Variants in SRD5A2 observed in about 807,000 individuals in gnomAD.
SRD5A2 encodes steroid 5 alpha-reductase 2.
SRD5A2 carries 30 observed loss-of-function variants against 27.4 expected under a neutral mutation model. The observed-to-expected ratio is 1.10, with a 90% confidence interval of 0.82 to 1.49. The LOEUF is 1.49. SRD5A2 is among the 40% of genes most tolerant of loss of function. The pLI is 0.00. For synonymous variants in SRD5A2, 141 were observed against 133.6 expected (o/e 1.06, Z -0.38); for missense variants, 348 against 323.4 (o/e 1.08, Z -0.58).
At chr2:31,552,857 C>A (rs758960492) in intron 1 of SRD5A2, among the ~76,000 whole-genome samples, 3 of 152,006 alleles carry the variant, frequency 2.0e-5, no homozygotes, top group Non-Finnish European at 4.4e-5. Flanking sequence ...GGCAAAGCTA[C>A]AAGAAACATA....
chr2:31,656,480 A>C, the SRD5A2 span, among the ~76,000 whole-genome samples: 4 of 152,194 alleles, frequency 2.6e-5, no homozygotes, highest in Non-Finnish European at 1.5e-5. Flanking sequence ...TGAAATTAAG[A>C]AGTGGGACCT....
At chr2:31,638,711 G>A in the SRD5A2 span, among the ~76,000 whole-genome samples, 1 of 150,864 alleles carries the variant, frequency 6.6e-6, no homozygotes, top group East Asian at 1.9e-4. Flanking sequence ...CTGATTTGTA[G>A]TCTATTTCAT....
At chr2:31,631,749 C>T in the SRD5A2 span, among the ~76,000 whole-genome samples, 42 of 152,224 alleles carry the variant, frequency 2.8e-4, 1 homozygote, top group Non-Finnish European at 4.3e-4. Flanking sequence ...GAGAGTTTGG[C>T]GATCTCTGTT....
chr2:31,550,166 G>A (rs953459664), intron 1 of SRD5A2, among the ~76,000 whole-genome samples: 2 of 151,570 alleles, frequency 1.3e-5, no homozygotes. Flanking sequence ...CAAGTCTCAA[G>A]GTAAATTAAA....
the SRD5A2 span, among the ~76,000 whole-genome samples, chr2:31,647,461 C>T: frequency 6.6e-6 from 1 of 152,166 alleles, no homozygotes; most frequent in Non-Finnish European, 1.5e-5. Flanking sequence ...ATGGTTTTAA[C>T]TATTAAGTTG....
chr2:31,589,418 C>T, the SRD5A2 span, among the ~76,000 whole-genome samples: 1 of 152,232 alleles, frequency 6.6e-6, no homozygotes, highest in South Asian at 2.1e-4. Context: ...CTAGTGAGGG[C>T]AGGAAGGTGT....
the SRD5A2 span, among the ~76,000 whole-genome samples, chr2:31,656,731 C>T: frequency 6.6e-6 from 1 of 152,088 alleles, no homozygotes; most frequent in Non-Finnish European, 1.5e-5. Flanking sequence ...TTCTCAGCCT[C>T]GAGAACTTTG....
chr2:31,564,887 T>C (rs1331973164), intron 1 of SRD5A2, among the ~76,000 whole-genome samples: 3 of 151,930 alleles, frequency 2.0e-5, no homozygotes, highest in Non-Finnish European at 4.4e-5. Flanking sequence ...CATAGAAATA[T>C]AAATCAACCC....
At chr2:31,538,052 C>T (rs1016139013) in intron 1 of SRD5A2, among the ~76,000 whole-genome samples, 1 of 152,168 alleles carries the variant, frequency 6.6e-6, no homozygotes, top group African/African-American at 2.4e-5. Flanking sequence ...CAGACAAAAG[C>T]AATTATCTAT....
intron 1 of SRD5A2, among the ~76,000 whole-genome samples, chr2:31,567,456 G>GTGTGTGTGTATATA (rs143408801): frequency 1.4e-5 from 2 of 140,238 alleles, no homozygotes; most frequent in East Asian, 4.1e-4. Flanking sequence ...GTGTGTGTGT[G>GTGTGTGTGTATATA]TATATATATA....
At chr2:31,543,868 G>GTA (rs1416688024) in intron 1 of SRD5A2, among the ~76,000 whole-genome samples, 2 of 152,046 alleles carry the variant, frequency 1.3e-5, no homozygotes, top group African/African-American at 2.4e-5. Flanking sequence ...ACATGAAAAT[G>GTA]TATTAAACTC....
intron 1 of SRD5A2, among the ~76,000 whole-genome samples, chr2:31,569,152 A>G (rs559211268): frequency 1.1e-4 from 17 of 152,368 alleles, no homozygotes; most frequent in South Asian, 1.0e-3. Context: ...TGGCCGTGCC[A>G]GCTCTGTGGA....
intron 1 of SRD5A2, among the ~76,000 whole-genome samples, chr2:31,535,932 ACT>A (rs1376876549): frequency 5.9e-5 from 9 of 152,132 alleles, no homozygotes; most frequent in African/African-American, 1.7e-4. Context: ...CTATTTCATA[ACT>A]CTGTGATCTT....
At chr2:31,649,756 C>T in the SRD5A2 span, among the ~76,000 whole-genome samples, 12 of 152,020 alleles carry the variant, frequency 7.9e-5, no homozygotes, top group Non-Finnish European at 1.5e-4. Flanking sequence ...ATGATACTGT[C>T]CCTGGAAGTT....
chr2:31,589,242 G>C, the SRD5A2 span, among the ~76,000 whole-genome samples: 1,784 of 152,264 alleles, frequency 0.012, 37 homozygotes, highest in African/African-American at 0.04. Flanking sequence ...CCCATGTCAA[G>C]AGAGCTTGTA....
chr2:31,535,109 C>T (rs1365709922), intron 1 of SRD5A2, among the ~76,000 whole-genome samples: 5 of 151,816 alleles, frequency 3.3e-5, no homozygotes, highest in African/African-American at 7.3e-5. Context: ...GCAACCTCCA[C>T]CTCCAGGGTT....
chr2:31,561,559 G>C (rs1424677562), intron 1 of SRD5A2, among the ~76,000 whole-genome samples: 1 of 152,094 alleles, frequency 6.6e-6, no homozygotes, highest in Non-Finnish European at 1.5e-5. Context: ...AAACCTTTAA[G>C]TTCCCTGCTT....
chr2:31,638,343 C>A, the SRD5A2 span, among the ~76,000 whole-genome samples: 1 of 151,972 alleles, frequency 6.6e-6, no homozygotes, highest in Non-Finnish European at 1.5e-5. Flanking sequence ...GTCTTGTGGT[C>A]TAAGATACGG....
At chr2:31,578,184 A>G (rs1029012797) in intron 1 of SRD5A2, among the ~76,000 whole-genome samples, 28 of 152,098 alleles carry the variant, frequency 1.8e-4, no homozygotes, top group African/African-American at 6.5e-4. Flanking sequence ...AATTATGAGT[A>G]TTTTCTACTT....
Sources: allele counts gnomAD v4.1 joint callset (sites outside exome capture counted in the v4.1 genomes callset), GRCh38; gene constraint gnomAD v4.1.1; transcripts MANE v1.5; gene names NCBI Gene and HGNC (gene_info 2026-07-23, HGNC 2026-07-21).